The following TMEM132D variants were observed in gnomAD, a reference collection of about 807,000 sequenced individuals.
TMEM132D encodes the protein transmembrane protein 132D, also known as mature OL transmembrane protein.
A neutral mutation model predicts 62.3 loss-of-function variants in TMEM132D; 21 were observed. The ratio of observed to expected loss-of-function variants is 0.34; its 90% CI spans 0.24 to 0.49. The LOEUF (loss-of-function observed/expected upper bound fraction) is 0.49. TMEM132D is among the 20% of genes least tolerant of loss of function. The pLI is 0.99. For missense variants in TMEM132D, 1,346 were observed against 1,402.8 expected, an observed-to-expected ratio of 0.96 and a Z score of 0.65; for synonymous variants, 621 against 575.6, an observed-to-expected ratio of 1.08 and a Z score of -1.13.
chr12:129,492,698 C>G (rs1165681650), intron 3 of TMEM132D, among the ~76,000 whole-genome samples: 1 of 147,728 alleles, frequency 6.8e-6, no homozygotes, highest in African/African-American at 2.5e-5. Flanking sequence ...ATGACAGTAC[C>G]ACCTTCTTCT....
intron 5 of TMEM132D, among the ~76,000 whole-genome samples, chr12:129,160,339 C>T (rs903697170): frequency 1.3e-5 from 2 of 152,268 alleles, no homozygotes; most frequent in Admixed American, 6.5e-5. Context: ...TCACCAATCA[C>T]TAAATCCCAT....
At position 129,162,261 on chromosome 12, in the gene TMEM132D, G is replaced by A. The variant is rs1325393341; in HGVS notation, c.1443+47259C>T. 2.6e-5 allele frequency among the ~76,000 whole-genome samples: 4 copies of A among 152,130 alleles called. No homozygotes were observed. In the South Asian group the frequency reaches 6.2e-4, roughly 24 times the overall value. On this transcript the variant is annotated intron_variant, in intron 5 of 8. Coordinates refer to ENST00000422113, the MANE Select transcript of TMEM132D (RefSeq NM_133448.3). ...TTGCATGCTCCATGCACTGAGGAAA[G>A]ACCCTGTGAGGACATGGAGAGAAGG...
intron 5 of TMEM132D, among the ~76,000 whole-genome samples, chr12:129,137,832 A>G (rs906979313): frequency 1.3e-5 from 2 of 152,248 alleles, no homozygotes; most frequent in East Asian, 1.9e-4. Flanking sequence ...CTGGCTCCCT[A>G]CAAACATTGC....
intron 3 of TMEM132D, among the ~76,000 whole-genome samples, chr12:129,382,859 T>C (rs1183989863): frequency 1.3e-5 from 2 of 152,198 alleles, no homozygotes. Flanking sequence ...GTGGTGCTGT[T>C]GCGGTCCGTG....
rs1327049746 is a variant in TMEM132D, at chr12:129,088,606, G to A, written c.1444-3904C>T. Among the ~76,000 whole-genome samples the A allele has an allele frequency of 4.5e-5, 2 of 44,672 alleles. 1 individual carries two copies. The highest frequency in any genetic ancestry group is 3.6e-4 in the African/African-American group (2 of 5,506). 29.3% of individuals were successfully genotyped at this position (44,672 alleles called of 152,430 possible). ...CATGACCGGGGTGTCCTCCATGACC[G>A]GGTGTCCTCCATGACCGGGGTGTCC... On this transcript the variant is annotated intron_variant, in intron 5 of 8. Coordinates refer to ENST00000422113, the MANE Select transcript of TMEM132D (RefSeq NM_133448.3).
intron 4 of TMEM132D, among the ~76,000 whole-genome samples, chr12:129,230,304 T>TG (rs1355360825): frequency 7.6e-6 from 1 of 132,258 alleles, no homozygotes; most frequent in African/African-American, 2.9e-5. Context: ...CCTTCTGTGT[T>TG]GGAGGGGGGG....
At chr12:129,346,104 C>G (rs1869679225) in intron 3 of TMEM132D, among the ~76,000 whole-genome samples, 2 of 152,098 alleles carry the variant, frequency 1.3e-5, no homozygotes, top group Non-Finnish European at 2.9e-5. Flanking sequence ...TAATTACTGC[C>G]TCAATTTCAG....
intron 4 of TMEM132D, among the ~76,000 whole-genome samples, chr12:129,216,212 T>G (rs374411253): frequency 7.5e-4 from 114 of 152,290 alleles, no homozygotes; most frequent in African/African-American, 2.6e-3. Flanking sequence ...ATTTGGTGCG[T>G]TAGTATTTGT....
intron 2 of TMEM132D, among the ~76,000 whole-genome samples, chr12:129,675,371 C>T (rs1474885009): frequency 2.6e-5 from 2 of 77,674 alleles, no homozygotes; most frequent in Admixed American, 1.5e-4. Context: ...CGGGGCCTGT[C>T]GGGGGGTGGG....
chr12:129,091,602 C>T (rs185151079), intron 5 of TMEM132D, among the ~76,000 whole-genome samples: 6 of 151,890 alleles, frequency 4.0e-5, no homozygotes, highest in African/African-American at 7.3e-5. Context: ...GCTCTGGAGA[C>T]CCTACCTATC....
At chr12:129,110,425 G>C (rs547454780) in intron 5 of TMEM132D, 1 of 152,274 alleles carries the variant, frequency 6.6e-6, no homozygotes, top group South Asian at 2.1e-4. Flanking sequence ...TTAACCTTGA[G>C]TGAGTCACGC....
chr12:129,078,968 TCCCCACA>T (rs1018598680), intron 7 of TMEM132D, among the ~76,000 whole-genome samples: 2 of 152,178 alleles, frequency 1.3e-5, no homozygotes, highest in African/African-American at 2.4e-5. Context: ...CTTGGCCCTC[TCCCCACA>T]CCCCACACAT....
chr12:129,161,890 C>A (rs548107123), intron 5 of TMEM132D, among the ~76,000 whole-genome samples: 75 of 152,264 alleles, frequency 4.9e-4, no homozygotes, highest in African/African-American at 1.8e-3. Context: ...AAAATCATAT[C>A]GAAATGTTGA....
At chr12:129,618,061 G>C (rs1159327713) in intron 2 of TMEM132D, among the ~76,000 whole-genome samples, 3 of 152,210 alleles carry the variant, frequency 2.0e-5, no homozygotes, top group South Asian at 2.1e-4. Context: ...CTAGTGGGCA[G>C]TGTTATGAGG....
chr12:129,636,471 T>A (rs1268803053), intron 2 of TMEM132D, among the ~76,000 whole-genome samples: 3 of 152,094 alleles, frequency 2.0e-5, no homozygotes, highest in Non-Finnish European at 4.4e-5. Flanking sequence ...AAGGAGGGTG[T>A]AATGAGGCCT....
At chr12:129,254,752 TC>T (rs1226099863) in intron 4 of TMEM132D, among the ~76,000 whole-genome samples, 1 of 151,994 alleles carries the variant, frequency 6.6e-6, no homozygotes, top group Non-Finnish European at 1.5e-5. Context: ...CTTTCTCATT[TC>T]CCCCCATAGC....
intron 4 of TMEM132D, among the ~76,000 whole-genome samples, chr12:129,316,460 G>A (rs1035059341): frequency 1.3e-5 from 2 of 152,082 alleles, no homozygotes; most frequent in Admixed American, 6.5e-5. Context: ...GGTTTAGTAG[G>A]TTTCTTTTGG....
At chr12:129,144,746 T>C (rs1323419276) in intron 5 of TMEM132D, among the ~76,000 whole-genome samples, 2 of 152,068 alleles carry the variant, frequency 1.3e-5, no homozygotes, top group African/African-American at 4.8e-5. Context: ...TCATCTAACA[T>C]CTATCTAACC....
intron 3 of TMEM132D, chr12:129,522,782 G>A (rs1875889482): frequency 6.6e-6 from 1 of 151,978 alleles, no homozygotes; most frequent in Non-Finnish European, 1.5e-5. Context: ...TTTACGGTGT[G>A]TGTATATATA....
Sources: gnomAD v4.1 joint callset for allele counts (sites outside exome capture counted in the v4.1 genomes callset) on GRCh38, gnomAD v4.1.1 for gene constraint, MANE v1.5 for transcripts, NCBI Gene and HGNC (gene_info 2026-07-23, HGNC 2026-07-21) for gene names.